The following ADGRA2 variants were observed in gnomAD, a reference collection of about 807,000 sequenced individuals.
ADGRA2 encodes the protein G-protein coupled receptor 124.
Under a neutral mutation model 98.7 loss-of-function variants are expected in ADGRA2, and 61 were observed. The ratio of observed to expected loss-of-function variants is 0.62; its 90% CI spans 0.50 to 0.76. The LOEUF is 0.76. ADGRA2 is among the 30% of genes least tolerant of loss of function. The probability of loss-of-function intolerance (pLI) is 0.00; values close to 1 mark genes in which losing one functional copy is unlikely to be tolerated. For missense variants in ADGRA2, 1,712 were observed against 1,860.0 expected, an observed-to-expected ratio of 0.92 and a Z score of 1.46; for synonymous variants, 858 against 831.5, an observed-to-expected ratio of 1.03 and a Z score of -0.55.
chr8:37,797,590 C>G lies in ADGRA2; in HGVS notation c.266+56C>G, dbSNP rs946628915. 1.6e-6 allele frequency: 2 copies of G among 1,273,112 alleles called. No individual in the cohort carries two copies. Among genetic ancestry groups the G allele is most frequent in the Non-Finnish European group, 1.0e-6 (1 of 993,752 alleles). 78.9% of individuals were successfully genotyped at this position (1,273,112 alleles called of 1,614,324 possible). A position where few individuals can be genotyped will look rare whatever the true frequency, so the allele number is the denominator to read the frequency against. On this transcript the variant is annotated intron_variant, in intron 1 of 18. Coordinates refer to ENST00000412232, the MANE Select transcript of ADGRA2 (RefSeq NM_032777.10). This position sits in a 1 kb window ranked among gnomAD's most constrained non-coding sequence, Gnocchi z 5.3. ...AGCCGGGACTGGGGACGAAGGGAGG[C>G]GAGACGGGAGGGGTGGGAGCAGGGG...
chr8:37,837,246 T>C lies in ADGRA2; in HGVS notation c.2051-485T>C, dbSNP rs57799458. On this transcript the variant is annotated intron_variant, in intron 13 of 18. Coordinates refer to ENST00000412232, the MANE Select transcript of ADGRA2 (RefSeq NM_032777.10). The stretch of plus-strand genomic sequence containing the variant: ...CCTGTGTCCGCAACCGCGTGGGCTG[T>C]GGGAGTGTGTGGGTTGAGGCGGGTG... 5.9e-3 allele frequency among the ~76,000 whole-genome samples: 901 copies of C among 152,294 alleles called. 7 individuals carry two copies. Among genetic ancestry groups the C allele is most frequent in the African/African-American group, 0.02 (829 of 41,558 alleles).
In ADGRA2 at chr8:37,797,239, C is replaced by T; in HGVS notation, c.-30C>T. On this transcript the variant is annotated 5_prime_UTR_variant, in exon 1 of 19. Coordinates refer to ENST00000412232, the MANE Select transcript of ADGRA2 (RefSeq NM_032777.10). This position sits in a 1 kb window ranked among gnomAD's most constrained non-coding sequence, Gnocchi z 5.3. The stretch of plus-strand genomic sequence containing the variant: ...CGGCCGGCGCGCAGCCCGGCCCCAG[C>T]GCTGTGGGTCCCCGCGGGGCGATGG... 1 of 1,229,760 alleles carries T rather than the reference C, an allele frequency of 8.1e-7. No individual in the cohort carries two copies. Among genetic ancestry groups the T allele is most frequent in the Non-Finnish European group, 1.0e-6 (1 of 987,578 alleles). The allele number at this position is 1,229,760 out of a possible 1,614,324, so 76.2% of individuals were successfully genotyped here. A position where few individuals can be genotyped will look rare whatever the true frequency, so the allele number is the denominator to read the frequency against.
intron 2 of ADGRA2, among the ~76,000 whole-genome samples, chr8:37,821,594 G>C (rs773059436): frequency 6.6e-6 from 1 of 152,188 alleles, no homozygotes; most frequent in African/African-American, 2.4e-5. Flanking sequence ...TCTAGACCAG[G>C]GACCAAGCCG....
intron 15 of ADGRA2, 191 bp downstream of exon 15, chr8:37,839,274 T>C (rs1295450188): frequency 3.1e-6 from 2 of 637,978 alleles, no homozygotes; most frequent in African/African-American, 4.0e-5. Flanking sequence ...TTGGCAGGGG[T>C]TTTTTCCCCA....
intron 1 of ADGRA2, among the ~76,000 whole-genome samples, chr8:37,805,085 A>G (rs1295805322): frequency 6.6e-6 from 1 of 152,210 alleles, no homozygotes; most frequent in Non-Finnish European, 1.5e-5. Flanking sequence ...GATGGATGCT[A>G]TCTCCTAGGT....
chr8:37,839,195 T>C, intron 15 of ADGRA2, 112 bp downstream of exon 15: 1 of 1,421,468 alleles, frequency 7.0e-7, no homozygotes, highest in Non-Finnish European at 9.9e-7. Flanking sequence ...AGCTTTGCAA[T>C]GGGGGAGGGA....
chr8:37,829,825 C>T, intron 5 of ADGRA2, 26 bp from the exon 6 acceptor site: 2 of 1,599,416 alleles, frequency 1.3e-6, no homozygotes, highest in Non-Finnish European at 1.7e-6. Context: ...CTGCTCTGCT[C>T]CGTGACCCCT....
In ADGRA2 at chr8:37,841,869, C is replaced by T. The variant is rs1292967625; in HGVS notation, c.3531C>T (p.His1177=). Residue 1177 remains histidine, a synonymous_variant, in exon 19 of 19, where the codon CAC becomes CAT. Transcript: ENST00000412232. This position sits in a 1 kb window ranked among gnomAD's most constrained non-coding sequence, Gnocchi z 5.0. ...CCCACCGCCACCCCAACAACGTGCA[C>T]CACGGGCGTCGGGCGCACAAGAGCC... The part of the protein sequence containing the change: ...NLAHRHPNNV[H]HGRRAHKSRA... 22 of 1,534,686 alleles carry T rather than the reference C, an allele frequency of 1.4e-5. No individual in the cohort carries two copies. The highest frequency in any genetic ancestry group is 1.7e-5 in the Non-Finnish European group (19 of 1,146,790).
At chr8:37,818,580 C>T (rs1805042296) in intron 2 of ADGRA2, among the ~76,000 whole-genome samples, 1 of 152,222 alleles carries the variant, frequency 6.6e-6, no homozygotes, top group Non-Finnish European at 1.5e-5. Context: ...AACGCTGAGT[C>T]CCAGCTCCTG....
rs1225756198 is a variant in ADGRA2 at position 37,797,373 on chromosome 8, C to A, written c.105C>A (p.Pro35=). 18 of 1,425,464 alleles carry A rather than the reference C, an allele frequency of 1.3e-5. No homozygotes were observed. Among genetic ancestry groups the A allele is most frequent in the Non-Finnish European group, 1.7e-5 (18 of 1,090,662 alleles). 88.3% of individuals were successfully genotyped at this position (1,425,464 alleles called of 1,614,324 possible). A position where few individuals can be genotyped will look rare whatever the true frequency, so the allele number is the denominator to read the frequency against. ...TGGCGCCCGAGGCTCGGGGCGCGCC[C>A]GGCTGCCCGCTATCCATCCGCAGCT... ...LLLAPEARGA[P]GCPLSIRSCK... Residue 35 remains proline (P), a synonymous_variant, in exon 1 of 19, where the codon CCC becomes CCA. Transcript: ENST00000412232. The surrounding 1 kb of genome is among the most constrained non-coding windows in gnomAD (Gnocchi z 5.3).
intron 1 of ADGRA2, among the ~76,000 whole-genome samples, chr8:37,803,910 G>A (rs376127884): frequency 2.6e-5 from 4 of 152,062 alleles, no homozygotes; most frequent in East Asian, 1.9e-4. Context: ...CCCCTCTACC[G>A]CCTCTGTTCC....
intron 2 of ADGRA2, among the ~76,000 whole-genome samples, chr8:37,815,261 G>A (rs994672530): frequency 3.9e-5 from 6 of 152,252 alleles, no homozygotes; most frequent in Admixed American, 1.3e-4. Context: ...TGTGAGGGCC[G>A]AGCTCTCGAC....
intron 1 of ADGRA2, among the ~76,000 whole-genome samples, chr8:37,799,985 G>A (rs1472236639): frequency 1.3e-5 from 2 of 152,134 alleles, no homozygotes; most frequent in East Asian, 1.9e-4. Flanking sequence ...AGCAGAAGCT[G>A]GGCAAAGGTT....
At chr8:37,825,840 G>A (rs190777771) in intron 2 of ADGRA2, among the ~76,000 whole-genome samples, 6 of 152,272 alleles carry the variant, frequency 3.9e-5, no homozygotes, top group Admixed American at 3.9e-4. Context: ...TCAGCCCAGG[G>A]AGCCGAGACA....
intron 1 of ADGRA2, among the ~76,000 whole-genome samples, chr8:37,809,164 C>T (rs113208089): frequency 0.015 from 2,271 of 151,972 alleles, 48 homozygotes; most frequent in African/African-American, 0.053. Flanking sequence ...GTCATGGTGG[C>T]GCATGCCTGT....
chr8:37,799,488 G>A (rs1167978801), intron 1 of ADGRA2, among the ~76,000 whole-genome samples: 2 of 152,122 alleles, frequency 1.3e-5, no homozygotes, highest in African/African-American at 4.8e-5. Flanking sequence ...CTCTGTGTCA[G>A]GGTTAGGGAA....
intron 1 of ADGRA2, among the ~76,000 whole-genome samples, chr8:37,799,661 A>G (rs987549234): frequency 1.1e-4 from 17 of 152,182 alleles, no homozygotes; most frequent in Admixed American, 9.8e-4. Flanking sequence ...ACCGGCTGGC[A>G]GCAAAGGTGA....
chr8:37,801,940 G>T (rs1410955162), intron 1 of ADGRA2, among the ~76,000 whole-genome samples: 1 of 152,218 alleles, frequency 6.6e-6, no homozygotes, highest in African/African-American at 2.4e-5. Flanking sequence ...GCAAGGAGAG[G>T]TCACTTTGAA....
rs1441204447 is a variant in ADGRA2, at chr8:37,814,995, G to A, written c.338+28G>A. On this transcript the variant is annotated intron_variant, in intron 2 of 18. Transcript: ENST00000412232. This position sits in a 1 kb window ranked among gnomAD's most constrained non-coding sequence, Gnocchi z 4.3. Reference sequence around the variant, plus strand: ...AAGTGCTGGGGAAGGTGAGGTGGAGGAGGGGGGTGGCCGTGATGGCAAGAG... The same window carrying A: ...AAGTGCTGGGGAAGGTGAGGTGGAGAAGGGGGGTGGCCGTGATGGCAAGAG... 2.0e-6 allele frequency: 3 copies of A among 1,529,526 alleles called. No homozygotes were observed. The highest frequency in any genetic ancestry group is 2.7e-6 in the Non-Finnish European group (3 of 1,102,788). 94.7% of individuals were successfully genotyped at this position (1,529,526 alleles called of 1,614,324 possible). A position where few individuals can be genotyped will look rare whatever the true frequency, so the allele number is the denominator to read the frequency against.
Sources: gnomAD v4.1 joint callset for allele counts (sites outside exome capture counted in the v4.1 genomes callset) on GRCh38, gnomAD v4.1.1 for gene constraint, Gnocchi (gnomAD v3.1) non-coding constraint, MANE v1.5 for transcripts, NCBI Gene and HGNC (gene_info 2026-07-23, HGNC 2026-07-21) for gene names.